Variants in AKAP9 observed in about 807,000 individuals in gnomAD.
The protein encoded by AKAP9 is A-kinase anchor protein 9.
A neutral mutation model predicts 488.5 loss-of-function variants in AKAP9; 311 were observed. The observed-to-expected ratio is 0.64, with a 90% CI of 0.58 to 0.70. The LOEUF is 0.70. Ranked by LOEUF, AKAP9 falls within the 30% of genes least tolerant of loss-of-function variation. The probability of loss-of-function intolerance (pLI) is 0.00; values close to 1 mark genes in which losing one functional copy is unlikely to be tolerated. For missense variants in AKAP9, 4,215 were observed against 4,374.5 expected, an observed-to-expected ratio of 0.96 and a Z score of 1.03; for synonymous variants, 1,462 against 1,483.5, an observed-to-expected ratio of 0.99 and a Z score of 0.33.
intron 27 of AKAP9, 24 bp from the exon 28 acceptor site, chr7:92,070,881 G>C (rs1811625154): frequency 6.8e-7 from 1 of 1,462,382 alleles, no homozygotes. Flanking sequence ...ATCAAATTTT[G>C]AGAAAATTTT....
At chr7:91,970,130 G>C in intron 1 of AKAP9, among the ~76,000 whole-genome samples, 1 of 151,768 alleles carries the variant, frequency 6.6e-6, no homozygotes, top group East Asian at 1.9e-4. Flanking sequence ...ATAGGTTCAA[G>C]CAGTTATTTT....
chr7:92,052,143 A>T (rs1028465036), intron 21 of AKAP9, among the ~76,000 whole-genome samples: 11 of 152,214 alleles, frequency 7.2e-5, no homozygotes, highest in Non-Finnish European at 1.3e-4. Context: ...GCCAAAGCAG[A>T]TGATATTGCC....
intron 3 of AKAP9, among the ~76,000 whole-genome samples, chr7:91,990,240 A>AT (rs1253912122): frequency 6.6e-6 from 1 of 152,112 alleles, no homozygotes; most frequent in African/African-American, 2.4e-5. Flanking sequence ...TTACTTTCAT[A>AT]TGAAGGTTTA....
chr7:92,094,730 G>A (rs1584530748), intron 39 of AKAP9, among the ~76,000 whole-genome samples: 1 of 152,268 alleles, frequency 6.6e-6, no homozygotes, highest in Middle Eastern at 3.4e-3. Flanking sequence ...CTACCCGGGA[G>A]GCTGAGGCAG....
intron 8 of AKAP9, among the ~76,000 whole-genome samples, chr7:92,010,952 C>A (rs1223374426): frequency 6.6e-6 from 1 of 151,938 alleles, no homozygotes; most frequent in Non-Finnish European, 1.5e-5. Flanking sequence ...TGTGTCCAGC[C>A]CATATAGTCA....
intron 1 of AKAP9, among the ~76,000 whole-genome samples, chr7:91,955,701 T>A (rs1033070412): frequency 1.6e-4 from 25 of 152,232 alleles, no homozygotes; most frequent in African/African-American, 5.8e-4. Flanking sequence ...TGACATGATC[T>A]TGGCTTGCTG....
rs375360122 is a variant in AKAP9, at chr7:92,042,059, A to G, written c.4931A>G (p.Asp1644Gly). Residue 1644 changes from aspartate (D) to glycine (G), a missense_variant, in exon 19 of 50, where the codon GAT (aspartate) becomes GGT (glycine). Transcript: ENST00000356239. Reference protein sequence around the residue: ...NRQLAQRSSIDNENLVSERER... With the variant: ...NRQLAQRSSIGNENLVSERER... ...TTTCTTATTTAGAGATCCTCCATAGATAATGAAAACCTGGTTTCAGAGAGA... is the reference window on the plus strand; with the variant it reads ...TTTCTTATTTAGAGATCCTCCATAGGTAATGAAAACCTGGTTTCAGAGAGA... The G allele has an allele frequency of 1.2e-6, 2 of 1,613,698 alleles. No individual in the cohort carries two copies. The highest frequency in any genetic ancestry group is 1.3e-5 in the African/African-American group (1 of 74,878).
intron 1 of AKAP9, among the ~76,000 whole-genome samples, chr7:91,959,462 T>TAA (rs10573086): frequency 4.7e-5 from 7 of 147,680 alleles, no homozygotes; most frequent in African/African-American, 1.5e-4. Flanking sequence ...CTGGCTAATT[T>TAA]AAAAAAAAAA....
At chr7:91,951,876 A>C (rs1162785316) in intron 1 of AKAP9, among the ~76,000 whole-genome samples, 2 of 152,072 alleles carry the variant, frequency 1.3e-5, no homozygotes, top group African/African-American at 4.8e-5. Flanking sequence ...CTCCGTCTCA[A>C]AAAATAAAAA....
At chr7:91,998,039 A>G (rs756846930) in intron 7 of AKAP9, among the ~76,000 whole-genome samples, 6 of 152,188 alleles carry the variant, frequency 3.9e-5, no homozygotes, top group Non-Finnish European at 5.9e-5. Context: ...TTCCACAGAC[A>G]TGAGGGAGGA....
intron 43 of AKAP9, among the ~76,000 whole-genome samples, chr7:92,099,043 C>G (rs1274127935): frequency 6.6e-6 from 1 of 152,216 alleles, no homozygotes; most frequent in African/African-American, 2.4e-5. Flanking sequence ...TCTTCCCTTT[C>G]TACTTCCTGC....
At position 92,084,717 on chromosome 7, in the gene AKAP9, A is replaced by G. The variant is rs778209873; in HGVS notation, c.8710+14A>G. ...TATGCTCCAGTGGTAAGTTATATAAATATTTGTAATGTTTGTAGTAGTTGT... is the reference window on the plus strand; with the variant it reads ...TATGCTCCAGTGGTAAGTTATATAAGTATTTGTAATGTTTGTAGTAGTTGT... On this transcript the variant is annotated intron_variant, in intron 34 of 49. Coordinates refer to ENST00000356239, the MANE Select transcript of AKAP9 (RefSeq NM_005751.5). 1 of 1,609,790 alleles carries G rather than the reference A, an allele frequency of 6.2e-7. No individual in the cohort carries two copies. Among genetic ancestry groups the G allele is most frequent in the Non-Finnish European group, 8.5e-7 (1 of 1,176,648 alleles).
At chr7:92,059,401 ATTT>A (rs992817757) in intron 22 of AKAP9, among the ~76,000 whole-genome samples, 1 of 149,214 alleles carries the variant, frequency 6.7e-6, no homozygotes, top group African/African-American at 2.5e-5. Flanking sequence ...AATAAATGAC[ATTT>A]TTTTTTGCTA....
Position 92,093,159 on chromosome 7 carries a change from A to G in AKAP9, c.9421A>G (p.Ser3141Gly). 1 of 1,614,234 alleles carries G rather than the reference A, an allele frequency of 6.2e-7. No individual in the cohort carries two copies. Among genetic ancestry groups the G allele is most frequent in the Non-Finnish European group, 8.5e-7 (1 of 1,180,034 alleles). ...AATGCTGGAGATGCAAGTGGAGCTC[A>G]GCAGTATGAAAGACAGAGCAACGGA... Reference protein sequence around the residue: ...SQMLEMQVELSSMKDRATELQ... With the variant: ...SQMLEMQVELGSMKDRATELQ... The change falls in exon 39 of 50, where the codon AGC becomes GGC. Residue 3141 changes from serine (S) to glycine (G), a missense_variant. By Grantham distance (56) the Ser-to-Gly change is moderately conservative. Coordinates refer to ENST00000356239, the MANE Select transcript of AKAP9 (RefSeq NM_005751.5).
chr7:92,100,386 G>A (rs530144206), intron 44 of AKAP9, among the ~76,000 whole-genome samples: 2 of 152,272 alleles, frequency 1.3e-5, no homozygotes, highest in Non-Finnish European at 2.9e-5. Flanking sequence ...TTAATTGCTA[G>A]TTTCCATAAT....
In AKAP9 at chr7:92,096,493, C is replaced by A. The variant is rs1242892295; in HGVS notation, c.9730-196C>A. On this transcript the variant is annotated intron_variant, in intron 40 of 49. Coordinates refer to ENST00000356239, the MANE Select transcript of AKAP9 (RefSeq NM_005751.5). The stretch of plus-strand genomic sequence containing the variant: ...GGGACTACAGGCACGTGCCATTGCA[C>A]CCAGCTAATTTTTTTGTATTTTTAG... Among the ~76,000 whole-genome samples, 3 of 152,038 alleles carry A rather than the reference C, an allele frequency of 2.0e-5. No individual in the cohort carries two copies. In the East Asian group the frequency reaches 5.8e-4, roughly 29 times the overall value.
chr7:92,024,514 A>G (rs571849697), intron 14 of AKAP9, among the ~76,000 whole-genome samples: 1 of 151,290 alleles, frequency 6.6e-6, no homozygotes, highest in South Asian at 2.1e-4. Context: ...TATTTTGTTT[A>G]TTGTTCGTCT....
chr7:92,050,049 T>A (rs1323009333), intron 21 of AKAP9, among the ~76,000 whole-genome samples: 1 of 151,106 alleles, frequency 6.6e-6, no homozygotes, highest in Admixed American at 6.6e-5. Context: ...CTGCTCAAGG[T>A]AAATTTCAGC....
intron 22 of AKAP9, chr7:92,057,997 C>G (rs1234770001): frequency 4.3e-6 from 1 of 234,102 alleles, no homozygotes; most frequent in African/African-American, 2.2e-5. Flanking sequence ...GGACTTTCCC[C>G]TTCCTTTTAT....
Sources: gnomAD v4.1 joint callset for allele counts (sites outside exome capture counted in the v4.1 genomes callset) on GRCh38, gnomAD v4.1.1 for gene constraint, MANE v1.5 for transcripts, NCBI Gene and HGNC (gene_info 2026-07-23, HGNC 2026-07-21) for gene names.